The following MAP4K5 variants were observed in gnomAD, a reference collection of about 807,000 sequenced individuals.
MAP4K5 encodes mitogen-activated protein kinase kinase kinase kinase 5, also known as MAPK/ERK kinase kinase kinase 5.
Under a neutral mutation model 135.6 loss-of-function variants are expected in MAP4K5, and 82 were observed. The observed-to-expected ratio is 0.60, with a 90% CI of 0.51 to 0.73. The LOEUF is 0.73. Among genes scored for constraint, MAP4K5 ranks in the 30% least tolerant of loss-of-function variants. MAP4K5 has a pLI of 0.00. For synonymous variants in MAP4K5, 347 were observed against 335.0 expected, an observed-to-expected ratio of 1.04 and a Z score of -0.39; for missense variants, 907 against 1,010.9, an observed-to-expected ratio of 0.90 and a Z score of 1.39.
At chr14:50,518,419 G>T (rs2038078549) in intron 2 of MAP4K5, among the ~76,000 whole-genome samples, 1 of 152,138 alleles carries the variant, frequency 6.6e-6, no homozygotes, top group African/African-American at 2.4e-5. Context: ...ACAAGCCCTA[G>T]TGTGTATTAT....
chr14:50,474,431 AT>A (rs1329550944), intron 9 of MAP4K5, among the ~76,000 whole-genome samples: 1 of 152,128 alleles, frequency 6.6e-6, no homozygotes, highest in Non-Finnish European at 1.5e-5. Flanking sequence ...CAAACTGCAA[AT>A]GTCACCTTTT....
At chr14:50,456,418 T>C in intron 14 of MAP4K5, 98 bp downstream of exon 14, 1 of 888,038 alleles carries the variant, frequency 1.1e-6, no homozygotes, top group East Asian at 2.7e-5. Flanking sequence ...TTGAAGTATG[T>C]AGCCTTAGTC....
chr14:50,503,729 C>T (rs940558215), intron 3 of MAP4K5, among the ~76,000 whole-genome samples: 8 of 151,932 alleles, frequency 5.3e-5, no homozygotes, highest in Non-Finnish European at 8.8e-5. Context: ...TGTAACAAGC[C>T]CACTGCACTC....
At chr14:50,471,321 T>A (rs1306440466) in intron 9 of MAP4K5, among the ~76,000 whole-genome samples, 2 of 152,144 alleles carry the variant, frequency 1.3e-5, no homozygotes, top group African/African-American at 4.8e-5. Context: ...ATATATATAT[T>A]TTTTAGGTTA....
intron 16 of MAP4K5, among the ~76,000 whole-genome samples, chr14:50,446,668 C>T (rs530839770): frequency 6.6e-6 from 1 of 152,126 alleles, no homozygotes; most frequent in African/African-American, 2.4e-5. Flanking sequence ...TAGATCCAGT[C>T]CCAAAGACTG....
At chr14:50,454,922 G>GA (rs1161850954) in intron 14 of MAP4K5, among the ~76,000 whole-genome samples, 1 of 151,904 alleles carries the variant, frequency 6.6e-6, no homozygotes, top group East Asian at 1.9e-4. Flanking sequence ...GGGAGGGGCA[G>GA]AGAGTAGGAG....
chr14:50,432,030 C>T (rs576144736), intron 28 of MAP4K5, among the ~76,000 whole-genome samples: 10 of 152,272 alleles, frequency 6.6e-5, no homozygotes, highest in Non-Finnish European at 1.0e-4. Context: ...TCTACAGAAT[C>T]GATAAACTGT....
At chr14:50,495,549 C>A (rs1417894662) in intron 3 of MAP4K5, among the ~76,000 whole-genome samples, 2 of 152,168 alleles carry the variant, frequency 1.3e-5, no homozygotes, top group Admixed American at 6.5e-5. Flanking sequence ...ATGACCAATT[C>A]ATGCTTTTAG....
chr14:50,537,063 T>C (rs113544383), upstream of MAP4K5, among the ~76,000 whole-genome samples: 5 of 152,360 alleles, frequency 3.3e-5, 1 homozygote, highest in South Asian at 2.1e-4. Flanking sequence ...GAGGTCTTCA[T>C]GGCAGACCTT....
intron 1 of MAP4K5, among the ~76,000 whole-genome samples, chr14:50,549,570 A>G (rs1293982942): frequency 1.3e-5 from 2 of 152,212 alleles, no homozygotes; most frequent in Admixed American, 6.5e-5. Flanking sequence ...GGGCCTTCCC[A>G]ATAAAACATG....
At chr14:50,539,363 A>C (rs2038533426) in intron 2 of MAP4K5, among the ~76,000 whole-genome samples, 1 of 152,210 alleles carries the variant, frequency 6.6e-6, no homozygotes, top group South Asian at 2.1e-4. Context: ...GTACATGAAA[A>C]CAAGACAAAT....
rs761552067 is a variant in MAP4K5, at chr14:50,475,150, C to T, written c.470-1G>A. 1 of 1,613,580 alleles carries T rather than the reference C, an allele frequency of 6.2e-7. No individual in the cohort carries two copies. On this transcript the variant is annotated splice_acceptor_variant, in intron 8 of 32. Transcript: ENST00000682126. LOFTEE classifies it high-confidence loss of function. ...ATTTTTGCAGCCACACCAAAGTCAG[C>T]TAGTGAGGAAAAAAACAGAAAATTT... is the stretch of plus-strand genomic sequence containing the variant.
intron 2 of MAP4K5, among the ~76,000 whole-genome samples, chr14:50,510,202 C>G (rs1228662517): frequency 2.6e-5 from 4 of 152,142 alleles, no homozygotes; most frequent in African/African-American, 9.7e-5. Context: ...CAAGAGTCAA[C>G]AACATGAAAA....
intron 2 of MAP4K5, among the ~76,000 whole-genome samples, chr14:50,509,108 C>T (rs2037875421): frequency 6.6e-6 from 1 of 151,966 alleles, no homozygotes; most frequent in Admixed American, 6.5e-5. Flanking sequence ...TGGAAACCAT[C>T]ATTCTGAGCA....
At chr14:50,508,713 A>T (rs79886687) in intron 2 of MAP4K5, among the ~76,000 whole-genome samples, 4 of 137,926 alleles carry the variant, frequency 2.9e-5, no homozygotes, top group African/African-American at 1.1e-4. Context: ...CTTAAAGTAT[A>T]AAAAAAAAAA....
intron 2 of MAP4K5, among the ~76,000 whole-genome samples, chr14:50,516,212 A>G (rs1287530908): frequency 1.3e-5 from 2 of 152,270 alleles, no homozygotes; most frequent in Non-Finnish European, 2.9e-5. Context: ...ATAAAGAAAT[A>G]GCAAGTCAAG....
intron 6 of MAP4K5, among the ~76,000 whole-genome samples, chr14:50,481,147 G>GA (rs142348284): frequency 0.014 from 2,150 of 151,164 alleles, 34 homozygotes; most frequent in African/African-American, 0.049. Flanking sequence ...AAAATACAAA[G>GA]AAAATGAATT....
chr14:50,485,707 CT>C, intron 4 of MAP4K5, 65 bp from the exon 5 acceptor site: 3 of 995,056 alleles, frequency 3.0e-6, no homozygotes, highest in Non-Finnish European at 4.6e-6. Context: ...TACTCTAAGG[CT>C]CTCACTCTTT....
intron 1 of MAP4K5, among the ~76,000 whole-genome samples, chr14:50,546,744 G>T (rs976642479): frequency 1.3e-5 from 2 of 152,040 alleles, no homozygotes; most frequent in African/African-American, 2.4e-5. Context: ...TGTTTGTGTG[G>T]TTTTTTTGAC....
Sources: gnomAD v4.1 joint callset for allele counts (sites outside exome capture counted in the v4.1 genomes callset) on GRCh38, gnomAD v4.1.1 for gene constraint, MANE v1.5 for transcripts, NCBI Gene and HGNC (gene_info 2026-07-23, HGNC 2026-07-21) for gene names.